GSTT4: variants seen among roughly 807,000 people sequenced by gnomAD.
GSTT4 encodes glutathione S-transferase theta 4, also known as glutathione S-transferase theta-4.
At chr22:23,996,385 TAGA>T (rs1279540474), downstream of GSTT4, among the ~76,000 whole-genome samples, 2 of 152,272 alleles carry the variant, frequency 1.3e-5, no homozygotes, top group African/African-American at 2.4e-5. Context: ...CCCTAATAAG[TAGA>T]AGTAGTGTGA....
downstream of GSTT4, among the ~76,000 whole-genome samples, chr22:23,995,128 T>TGACTTGAACTGC (rs2034103112): frequency 2.6e-5 from 4 of 150,958 alleles, no homozygotes; most frequent in Admixed American, 6.6e-5. Context: ...ACAAGTTTTT[T>TGACTTGAACTGC]TTTTGTTTGT....
downstream of GSTT4, among the ~76,000 whole-genome samples, chr22:23,995,135 T>C (rs1277781229): frequency 7.1e-6 from 1 of 140,402 alleles, no homozygotes; most frequent in Non-Finnish European, 1.6e-5. Flanking sequence ...TTTTTTTTGT[T>C]TGTTTGTTTT....
chr22:24,002,968 G>A (rs1266234090), intron 2 of GSTT4, among the ~76,000 whole-genome samples: 1 of 152,202 alleles, frequency 6.6e-6, no homozygotes, highest in African/African-American at 2.4e-5. Flanking sequence ...ATTTTATGAG[G>A]TATCTTAATG....
intron 2 of GSTT4, among the ~76,000 whole-genome samples, chr22:24,002,290 C>T (rs1601576618): frequency 6.6e-6 from 1 of 152,174 alleles, no homozygotes; most frequent in African/African-American, 2.4e-5. Context: ...GGGCCAGCAA[C>T]TATCGGGAAG....
chr22:24,004,526 C>T (rs1405479911), intron 1 of GSTT4: 6 of 153,828 alleles, frequency 3.9e-5, no homozygotes, highest in African/African-American at 1.4e-4. Context: ...CTCTGACCCT[C>T]ACTCAGGGTT....
At chr22:23,994,956 T>C (rs1179637838), downstream of GSTT4, among the ~76,000 whole-genome samples, 1 of 152,108 alleles carries the variant, frequency 6.6e-6, no homozygotes, top group African/African-American at 2.4e-5. Context: ...AGGTAAGAGA[T>C]GTAAAATTGC....
At chr22:23,991,743 G>A in the GSTT4 span, among the ~76,000 whole-genome samples, 12 of 142,596 alleles carry the variant, frequency 8.4e-5, no homozygotes, top group African/African-American at 2.5e-4. Flanking sequence ...TAGGCTGCAG[G>A]TATATTTCCC....
downstream of GSTT4, among the ~76,000 whole-genome samples, chr22:23,996,704 C>T (rs543386518): frequency 2.0e-5 from 3 of 152,330 alleles, no homozygotes; most frequent in Admixed American, 6.5e-5. Context: ...GGTGTATGAT[C>T]CTTTTAATAT....
At chr22:23,993,347 G>A in the GSTT4 span, among the ~76,000 whole-genome samples, 46 of 152,310 alleles carry the variant, frequency 3.0e-4, 1 homozygote, top group Middle Eastern at 0.034. Context: ...ACAGGTGTGA[G>A]CCACTCTGTC....
downstream of GSTT4, among the ~76,000 whole-genome samples, chr22:23,995,875 T>C (rs1056255266): frequency 8.5e-5 from 13 of 152,190 alleles, no homozygotes; most frequent in African/African-American, 3.1e-4. Context: ...TAATTTTGTT[T>C]TTCATCCTTT....
At chr22:23,996,211 G>A (rs1216220331), downstream of GSTT4, among the ~76,000 whole-genome samples, 1 of 151,546 alleles carries the variant, frequency 6.6e-6, no homozygotes. Flanking sequence ...CAAAGTGCTG[G>A]GATTACAGGT....
At chr22:23,999,889 C>T (rs1338112466) in intron 4 of GSTT4, among the ~76,000 whole-genome samples, 186 bp downstream of exon 4, 1 of 152,174 alleles carries the variant, frequency 6.6e-6, no homozygotes, top group Admixed American at 6.5e-5. Flanking sequence ...CTTCCTGATT[C>T]ATAACATTCT....
chr22:24,002,124 A>G (rs899556500), intron 2 of GSTT4, among the ~76,000 whole-genome samples: 3 of 152,278 alleles, frequency 2.0e-5, no homozygotes, highest in African/African-American at 7.2e-5. Flanking sequence ...GCAGCCAGAG[A>G]CACTGTGGAG....
At chr22:23,995,122 GT>G (rs796199696), downstream of GSTT4, among the ~76,000 whole-genome samples, 77 of 148,214 alleles carry the variant, frequency 5.2e-4, 1 homozygote, top group Admixed American at 2.2e-3. Flanking sequence ...CTCAAGACAA[GT>G]TTTTTTTTTG....
intron 3 of GSTT4, 33 bp downstream of exon 3, chr22:24,001,142 G>T (rs1175589528): frequency 7.0e-6 from 1 of 142,484 alleles, no homozygotes; most frequent in East Asian, 2.0e-4. Flanking sequence ...CCCTGTGCCC[G>T]TGTCCCCAAG....
downstream of GSTT4, among the ~76,000 whole-genome samples, chr22:23,995,744 G>T (rs1185224723): frequency 6.6e-6 from 1 of 152,136 alleles, no homozygotes; most frequent in African/African-American, 2.4e-5. Context: ...TTGCTTGGTG[G>T]CGCTTCTTTA....
chr22:23,995,950 T>C (rs1233570596), downstream of GSTT4, among the ~76,000 whole-genome samples: 2 of 142,250 alleles, frequency 1.4e-5, no homozygotes, highest in Non-Finnish European at 3.1e-5. Context: ...GCTGAACTTA[T>C]TTTATTTTAT....
the GSTT4 span, among the ~76,000 whole-genome samples, chr22:23,992,201 T>C: frequency 7.2e-6 from 1 of 139,834 alleles, no homozygotes; most frequent in Non-Finnish European, 1.6e-5. Context: ...CATGAAGGAA[T>C]GAGCTGTCCC....
At chr22:23,992,854 T>G in the GSTT4 span, among the ~76,000 whole-genome samples, 1 of 151,484 alleles carries the variant, frequency 6.6e-6, no homozygotes, top group Non-Finnish European at 1.5e-5. Flanking sequence ...CTTAGCTTAC[T>G]GCAGCCTCGA....
Sources: allele counts gnomAD v4.1 joint callset (sites outside exome capture counted in the v4.1 genomes callset), GRCh38; gene constraint gnomAD v4.1.1; transcripts MANE v1.5; gene names NCBI Gene and HGNC (gene_info 2026-07-23, HGNC 2026-07-21).